Variants in ACTN3 observed in about 807,000 individuals in gnomAD.
The protein encoded by ACTN3 is actinin alpha 3, also known as alpha-actinin-3.
In ACTN3, 91 loss-of-function variants were observed where a neutral mutation model predicts 119.6. The ratio of observed to expected loss-of-function variants is 0.76; its 90% CI spans 0.64 to 0.91. The LOEUF (loss-of-function observed/expected upper bound fraction) is 0.91. Ranked by LOEUF, ACTN3 falls within the 40% of genes least tolerant of loss-of-function variation. The pLI is 0.00. For missense variants in ACTN3, 1,221 were observed against 1,215.1 expected, an observed-to-expected ratio of 1.00 and a Z score of -0.07; for synonymous variants, 456 against 478.8, an observed-to-expected ratio of 0.95 and a Z score of 0.62.
Position 66,560,556 on chromosome 11 carries a change from C to A in ACTN3, c.1678-17C>A. ...AGTGGGGGACACCAGCTGACACTTC[C>A]TGCCTGTCGTCCCCAGAGCCTGCTG... On this transcript the variant is annotated splice_polypyrimidine_tract_variant and intron_variant, in intron 14 of 20. Coordinates refer to ENST00000513398, the MANE Select transcript of ACTN3 (RefSeq NM_001104.4). The A allele has an allele frequency of 6.3e-7, 1 of 1,599,884 alleles. No individual in the cohort carries two copies. Among genetic ancestry groups the A allele is most frequent in the Non-Finnish European group, 8.5e-7 (1 of 1,173,204 alleles).
intron 1 of ACTN3, among the ~76,000 whole-genome samples, chr11:66,549,414 A>G (rs1214274502): frequency 6.6e-6 from 1 of 152,116 alleles, no homozygotes; most frequent in Non-Finnish European, 1.5e-5. Context: ...GAGCTCCCTT[A>G]GGGCAGGAAC....
In ACTN3 at chr11:66,551,284, C is replaced by G; in HGVS notation, c.193C>G (p.Gln65Glu). ...CTCACACCTGCGCAAGGCAGGCACCCAGATCGAGAACATCGAGGAAGATTT... is the reference window on the plus strand; with the variant it reads ...CTCACACCTGCGCAAGGCAGGCACCGAGATCGAGAACATCGAGGAAGATTT... ...CNSHLRKAGT[Q>E]IENIEEDFRN... The change falls in exon 2 of 21, where the codon CAG (glutamine) becomes GAG (glutamate). Residue 65 changes from glutamine to glutamate, a missense_variant. Gln to Glu is a conservative substitution (Grantham distance 29, BLOSUM62 2). This residue lies in a region of ACTN3 where 239 missense variants were observed against 231.8 expected (regional missense o/e 1.03). Coordinates refer to ENST00000513398, the MANE Select transcript of ACTN3 (RefSeq NM_001104.4). The G allele has an allele frequency of 6.2e-7, 1 of 1,612,660 alleles. No homozygotes were observed. The highest frequency in any genetic ancestry group is 8.5e-7 in the Non-Finnish European group (1 of 1,179,378).
At chr11:66,561,698 A>G in intron 17 of ACTN3, 61 bp downstream of exon 17, 1 of 1,540,808 alleles carries the variant, frequency 6.5e-7, no homozygotes, top group South Asian at 1.3e-5. Flanking sequence ...GCCCAGGGAG[A>G]TCACAGCTGG....
chr11:66,549,368 C>T lies in ACTN3; in HGVS notation c.148-1871C>T, dbSNP rs140613388. ...TAAATTCCTCGGCAACCTCTTACAG[C>T]GCTTCTCAGACCAAAATGACTCTTG... On this transcript the variant is annotated intron_variant, in intron 1 of 20. Coordinates refer to ENST00000513398, the MANE Select transcript of ACTN3 (RefSeq NM_001104.4). Among the ~76,000 whole-genome samples, 1,489 of 152,292 alleles carry T rather than the reference C, an allele frequency of 9.8e-3. 7 individuals carry two copies. Among genetic ancestry groups the T allele is most frequent in the Middle Eastern group, 0.058 (17 of 294 alleles).
At chr11:66,552,532 G>C (rs1397444029) in intron 3 of ACTN3, among the ~76,000 whole-genome samples, 1 of 152,066 alleles carries the variant, frequency 6.6e-6, no homozygotes, top group Non-Finnish European at 1.5e-5. Context: ...TTTGAGCCCG[G>C]GAATTGGAGA....
Position 66,555,051 on chromosome 11 carries a change from TG to T in ACTN3, c.558-73del, listed in dbSNP as rs1451515330. 103 of 1,301,614 alleles carry T rather than the reference TG, an allele frequency of 7.9e-5. 1 individual carries two copies. Among genetic ancestry groups the T allele is most frequent in the Non-Finnish European group, 1.1e-4 (99 of 907,826 alleles). 80.6% of individuals were successfully genotyped at this position (1,301,614 alleles called of 1,614,324 possible). A position where few individuals can be genotyped will look rare whatever the true frequency, so the allele number is the denominator to read the frequency against. ...CATTTTACAGATGAGGCTGTCCTTC[TG>T]GGGGGTGCTCCTGGGCCGAGGGGAG... On this transcript the variant is annotated intron_variant, in intron 5 of 20. Coordinates refer to ENST00000513398, the MANE Select transcript of ACTN3 (RefSeq NM_001104.4).
Position 66,558,092 on chromosome 11 carries a change from G to C in ACTN3, c.1194G>C (p.Ser398=). Residue 398 remains serine, a synonymous_variant, in exon 11 of 21, where the codon TCG becomes TCC. Coordinates refer to ENST00000513398, the MANE Select transcript of ACTN3 (RefSeq NM_001104.4). ...AGGGCTATGAGGACTGGCTGCTCTC[G>C]GAGATCCGGCGCCTGCAGCGACTCC... The part of the protein sequence containing the change: ...VEKGYEDWLL[S]EIRRLQRLQH... 6 of 1,613,800 alleles carry C rather than the reference G, an allele frequency of 3.7e-6. No individual in the cohort carries two copies. The highest frequency in any genetic ancestry group is 5.1e-6 in the Non-Finnish European group (6 of 1,179,866).
intron 4 of ACTN3, 33 bp downstream of exon 4, chr11:66,554,164 G>A (rs1227434950): frequency 1.0e-5 from 16 of 1,594,128 alleles, no homozygotes; most frequent in Non-Finnish European, 1.3e-5. Context: ...GGGGCCAGGT[G>A]CAGTGGCTGG....
chr11:66,558,328 C>G, intron 11 of ACTN3, 154 bp downstream of exon 11: 1 of 674,418 alleles, frequency 1.5e-6, no homozygotes, highest in South Asian at 6.6e-5. Context: ...CCCTGACTTG[C>G]TGTGGTGCAA....
Position 66,546,920 on chromosome 11 carries a change from G to A in ACTN3, c.-18G>A. ...CCGAGAGCGTGCCGAGCGGAGCGAA[G>A]CCAGGAGCCCGATCGAGATGATGAT... On this transcript the variant is annotated 5_prime_UTR_variant, in exon 1 of 21. Coordinates refer to ENST00000513398, the MANE Select transcript of ACTN3 (RefSeq NM_001104.4). The A allele has an allele frequency of 2.0e-6, 3 of 1,535,606 alleles. No homozygotes were observed. Among genetic ancestry groups the A allele is most frequent in the Non-Finnish European group, 2.6e-6 (3 of 1,145,002 alleles).
At chr11:66,561,989 C>T (rs1431484693) in intron 17 of ACTN3, 33 bp from the exon 18 acceptor site, 5 of 1,578,166 alleles carry the variant, frequency 3.2e-6, no homozygotes, top group East Asian at 2.3e-5. Flanking sequence ...GCACTGGCCG[C>T]CCACTGACAG....
intron 1 of ACTN3, among the ~76,000 whole-genome samples, chr11:66,549,501 G>C (rs544421056): frequency 1.3e-5 from 2 of 152,108 alleles, no homozygotes; most frequent in African/African-American, 4.8e-5. Flanking sequence ...GGAGACGGAG[G>C]GGGGCGGATC....
Position 66,555,277 on chromosome 11 carries a change from C to A in ACTN3, c.637-9C>A, listed in dbSNP as rs1483680630. The A allele has an allele frequency of 6.2e-7, 1 of 1,613,816 alleles. No homozygotes were observed. The highest frequency in any genetic ancestry group is 8.5e-7 in the Non-Finnish European group (1 of 1,179,816). ...TGACCTTTCACCCTCCTCCCTTACA[C>A]CCTTCTAGGATGACCCCATCGGAAA... is the stretch of plus-strand genomic sequence containing the variant. On this transcript the variant is annotated splice_polypyrimidine_tract_variant and intron_variant, in intron 6 of 20. Coordinates refer to ENST00000513398, the MANE Select transcript of ACTN3 (RefSeq NM_001104.4).
Position 66,554,140 on chromosome 11 carries a change from T to C in ACTN3, c.469+9T>C, listed in dbSNP as rs1189365605. 7 of 1,612,916 alleles carry C rather than the reference T, an allele frequency of 4.3e-6. No homozygotes were observed. The highest frequency in any genetic ancestry group is 5.9e-6 in the Non-Finnish European group (7 of 1,179,486). On this transcript the variant is annotated intron_variant, in intron 4 of 20. Coordinates refer to ENST00000513398, the MANE Select transcript of ACTN3 (RefSeq NM_001104.4). The stretch of plus-strand genomic sequence containing the variant: ...GGACATCTCTGTGGAAGGTGAGCAA[T>C]GGGAAAGGAGGTTGGGGCCAGGTGC...
chr11:66,546,645 TC>T (rs1225914834), upstream of ACTN3: 13 of 1,532,484 alleles, frequency 8.5e-6, no homozygotes, highest in Non-Finnish European at 1.0e-5. Context: ...GTAAACAGAC[TC>T]AGAGAGGTCC....
intron 16 of ACTN3, 23 bp from the exon 17 acceptor site, chr11:66,561,435 A>C (rs1201302049): frequency 1.2e-6 from 2 of 1,601,168 alleles, no homozygotes; most frequent in Non-Finnish European, 1.7e-6. Context: ...GGGAGCCCTC[A>C]TGCTGCCTGG....
Position 66,559,979 on chromosome 11 carries a change from A to G in ACTN3, c.1439A>G (p.Tyr480Cys). The change falls in exon 13 of 21, where the codon TAC becomes TGC. Residue 480 changes from tyrosine to cysteine, a missense_variant. Around this residue, in one of 3 missense-constraint regions of ACTN3, gnomAD observed 934 missense variants for 899.9 expected, o/e 1.04. Coordinates refer to ENST00000513398, the MANE Select transcript of ACTN3 (RefSeq NM_001104.4). ...ALAQELNELD[Y>C]HEAASVNSRC... ...CTTCTCGCTCCCAGTGAGCTGGACTACCACGAGGCAGCCTCAGTGAATAGC... is the reference window on the plus strand; with the variant it reads ...CTTCTCGCTCCCAGTGAGCTGGACTGCCACGAGGCAGCCTCAGTGAATAGC... 3 of 1,596,846 alleles carry G rather than the reference A, an allele frequency of 1.9e-6. No homozygotes were observed. The highest frequency in any genetic ancestry group is 2.6e-6 in the Non-Finnish European group (3 of 1,173,632).
In ACTN3 at chr11:66,555,168, GAC is replaced by G; in HGVS notation, c.599_600del (p.His200ProfsTer3). On this transcript the variant is annotated frameshift_variant, in exon 6 of 21. Transcript: ENST00000513398. LOFTEE classifies it high-confidence loss of function. ...CTGGCCCTCTGTGCCCTCATCCACC[GAC>G]ACCGCCCTGACCTCATCGACTACGC... 6.2e-7 allele frequency: 1 copy of G among 1,613,880 alleles called. No homozygotes were observed. The highest frequency in any genetic ancestry group is 8.5e-7 in the Non-Finnish European group (1 of 1,179,958).
At chr11:66,559,890 C>G in intron 12 of ACTN3, 78 bp from the exon 13 acceptor site, 1 of 1,403,070 alleles carries the variant, frequency 7.1e-7, no homozygotes. Flanking sequence ...ATCCGGGGAG[C>G]AGGTTCCAGC....
Sources: allele counts gnomAD v4.1 joint callset (sites outside exome capture counted in the v4.1 genomes callset), GRCh38; gene constraint gnomAD v4.1.1; regional missense constraint gnomAD v4.1.1; transcripts MANE v1.5; gene names NCBI Gene and HGNC (gene_info 2026-07-23, HGNC 2026-07-21).